MAMDC2: variants seen among roughly 807,000 people sequenced by gnomAD.
The protein encoded by MAMDC2 is MAM domain-containing protein 2.
A neutral mutation model predicts 89.8 loss-of-function variants in MAMDC2; 57 were observed. That is an observed-to-expected ratio of 0.63 (90% CI 0.51 to 0.79). The LOEUF (loss-of-function observed/expected upper bound fraction) is 0.79. Ranked by LOEUF, MAMDC2 falls within the 30% of genes least tolerant of loss-of-function variation. MAMDC2 has a pLI of 0.00. For synonymous variants in MAMDC2, 313 were observed against 293.4 expected, an observed-to-expected ratio of 1.07 and a Z score of -0.68; for missense variants, 800 against 820.6, an observed-to-expected ratio of 0.97 and a Z score of 0.31.
At chr9:70,159,912 A>G (rs1587527655) in intron 9 of MAMDC2, among the ~76,000 whole-genome samples, 1 of 152,114 alleles carries the variant, frequency 6.6e-6, no homozygotes, top group East Asian at 1.9e-4. Flanking sequence ...CCGGAGGCCT[A>G]TTAGAAATCA....
At chr9:70,075,320 T>C (rs752851932) in intron 2 of MAMDC2, among the ~76,000 whole-genome samples, 2 of 152,188 alleles carry the variant, frequency 1.3e-5, no homozygotes, top group African/African-American at 4.8e-5. Flanking sequence ...GCAGGGATGT[T>C]CTAGCCTCTG....
intron 12 of MAMDC2, among the ~76,000 whole-genome samples, chr9:70,225,226 G>A (rs2033623621): frequency 6.6e-6 from 1 of 152,062 alleles, no homozygotes; most frequent in Non-Finnish European, 1.5e-5. Flanking sequence ...TTGATGTTAT[G>A]GTATTTAACA....
chr9:70,062,260 TACACAC>T lies in MAMDC2; in HGVS notation c.148+17578_148+17583del, dbSNP rs71505376. 5.3e-5 allele frequency among the ~76,000 whole-genome samples: 8 copies of T among 150,150 alleles called. 1 individual carries two copies. In the South Asian group the frequency reaches 1.1e-3, roughly 20 times the overall value. On this transcript the variant is annotated intron_variant, in intron 2 of 13. Transcript: ENST00000377182. ...CACTGATATATACATATGAGATGTA[TACACAC>T]ACACACACACACACTATCTCTTTAT...
intron 11 of MAMDC2, among the ~76,000 whole-genome samples, chr9:70,211,612 CCTT>C (rs1384763190): frequency 6.6e-6 from 1 of 151,340 alleles, no homozygotes; most frequent in Non-Finnish European, 1.5e-5. Flanking sequence ...TCGTCTGAAG[CCTT>C]CTTCTCTCAA....
chr9:70,136,182 G>A (rs1244609496), intron 7 of MAMDC2, among the ~76,000 whole-genome samples: 4 of 152,004 alleles, frequency 2.6e-5, no homozygotes, highest in Non-Finnish European at 5.9e-5. Flanking sequence ...AACTCTCTAT[G>A]TTTTGCCTAT....
intron 12 of MAMDC2, among the ~76,000 whole-genome samples, chr9:70,220,126 G>A (rs989045941): frequency 2.0e-5 from 3 of 152,222 alleles, no homozygotes; most frequent in Middle Eastern, 3.4e-3. Context: ...TGACACCTGA[G>A]CACTGATTTT....
At chr9:70,175,423 T>C (rs905059191) in intron 11 of MAMDC2, among the ~76,000 whole-genome samples, 2 of 152,196 alleles carry the variant, frequency 1.3e-5, no homozygotes, top group African/African-American at 2.4e-5. Flanking sequence ...GATAAAACCT[T>C]GCTTGTGTTC....
chr9:70,182,654 T>C (rs2032669356), intron 11 of MAMDC2, among the ~76,000 whole-genome samples: 3 of 152,330 alleles, frequency 2.0e-5, no homozygotes, highest in African/African-American at 7.2e-5. Context: ...GAGGTGTTTA[T>C]AGTATTCTCT....
At chr9:70,097,680 A>G (rs1828064648) in intron 2 of MAMDC2, among the ~76,000 whole-genome samples, 1 of 152,086 alleles carries the variant, frequency 6.6e-6, no homozygotes, top group South Asian at 2.1e-4. Flanking sequence ...ATTACAGATA[A>G]TTTTGCCCAC....
intron 9 of MAMDC2, 48 bp downstream of exon 9, chr9:70,143,867 A>C: frequency 6.3e-7 from 1 of 1,592,710 alleles, no homozygotes; most frequent in Middle Eastern, 1.9e-4. Context: ...TTGCTGGACT[A>C]GTTTTGTGAA....
intron 5 of MAMDC2, among the ~76,000 whole-genome samples, chr9:70,120,573 C>G (rs2030239369): frequency 6.6e-6 from 1 of 152,326 alleles, no homozygotes; most frequent in African/African-American, 2.4e-5. Context: ...CGAGCCTTCT[C>G]ATATGCACAG....
At chr9:70,073,605 T>C (rs1346907543) in intron 2 of MAMDC2, among the ~76,000 whole-genome samples, 3 of 152,220 alleles carry the variant, frequency 2.0e-5, no homozygotes, top group Non-Finnish European at 4.4e-5. Flanking sequence ...TCTGCAGTGA[T>C]TCATAGGCAG....
intron 2 of MAMDC2, chr9:70,088,218 C>T (rs1827814304): frequency 6.6e-6 from 1 of 152,046 alleles, no homozygotes; most frequent in Non-Finnish European, 1.5e-5. Context: ...CAGGTATGCA[C>T]TATTAGACAT....
intron 2 of MAMDC2, among the ~76,000 whole-genome samples, chr9:70,045,726 TC>T (rs1826733700): frequency 6.6e-6 from 1 of 152,174 alleles, no homozygotes; most frequent in Non-Finnish European, 1.5e-5. Context: ...TCTCTGACCC[TC>T]ACAGGTAGGT....
At chr9:70,163,863 G>A (rs958590525) in intron 9 of MAMDC2, among the ~76,000 whole-genome samples, 2 of 150,590 alleles carry the variant, frequency 1.3e-5, no homozygotes, top group African/African-American at 4.9e-5. Context: ...CTGAAGCAGG[G>A]GGATCACTTG....
At chr9:70,099,980 A>AAGAAAGAGAG (rs1686672155) in intron 2 of MAMDC2, among the ~76,000 whole-genome samples, 2 of 115,562 alleles carry the variant, frequency 1.7e-5, no homozygotes, top group East Asian at 2.7e-4. Context: ...GCCAAAAAGA[A>AAGAAAGAGAG]AGAGAGAGAG....
Position 70,170,537 on chromosome 9 carries a change from T to G in MAMDC2, c.1557T>G (p.Thr519=). The change falls in exon 11 of 14, where the codon ACT becomes ACG. Residue 519 remains threonine (T), a synonymous_variant. Coordinates refer to ENST00000377182, the MANE Select transcript of MAMDC2 (RefSeq NM_153267.5). ...TCGAGCAAGATGAATGTACATTTAC[T>G]CAGGAGAAAAGAAACCGGAGCAGCT... The part of the protein sequence containing the change: ...CTFEQDECTF[T]QEKRNRSSWH... 6.2e-7 allele frequency: 1 copy of G among 1,613,126 alleles called. No individual in the cohort carries two copies. Among genetic ancestry groups the G allele is most frequent in the Non-Finnish European group, 8.5e-7 (1 of 1,179,784 alleles).
intron 2 of MAMDC2, chr9:70,086,821 C>T (rs2118157929): frequency 6.6e-6 from 1 of 152,228 alleles, no homozygotes; most frequent in East Asian, 1.9e-4. Context: ...ATAAATAGAA[C>T]TGAAATGATC....
intron 7 of MAMDC2, among the ~76,000 whole-genome samples, chr9:70,139,697 C>T (rs1049343993): frequency 4.6e-5 from 7 of 152,184 alleles, no homozygotes; most frequent in Non-Finnish European, 1.0e-4. Flanking sequence ...AATCGCCACA[C>T]TGACTTCCAC....
Sources: gnomAD v4.1 joint callset for allele counts (sites outside exome capture counted in the v4.1 genomes callset) on GRCh38, gnomAD v4.1.1 for gene constraint, MANE v1.5 for transcripts, NCBI Gene and HGNC (gene_info 2026-07-23, HGNC 2026-07-21) for gene names.